POFUT2: variants seen among roughly 807,000 people sequenced by gnomAD.
POFUT2 encodes GDP-fucose protein O-fucosyltransferase 2.
POFUT2 carries 30 observed loss-of-function variants against 55.0 expected under a neutral mutation model. That is an observed-to-expected ratio of 0.55 (90% CI 0.41 to 0.74). The LOEUF (loss-of-function observed/expected upper bound fraction) is 0.74, where lower values mean the gene tolerates loss of function less well. Ranked by LOEUF, POFUT2 falls within the 30% of genes least tolerant of loss-of-function variation. The pLI is 0.00. For missense variants in POFUT2, 524 were observed against 562.6 expected (o/e 0.93, Z 0.69); for synonymous variants, 267 against 231.1 (o/e 1.16, Z -1.41).
In POFUT2 at chr21:45,285,838, C is replaced by T. The variant is rs1290184842; in HGVS notation, c.222G>A (p.Leu74=). Residue 74 remains leucine (L), a synonymous_variant, in exon 2 of 9, where the codon CTG becomes CTA. Transcript: ENST00000349485. The surrounding 1 kb of genome is among the most constrained non-coding windows in gnomAD (Gnocchi z 4.9). ...GGACAAGCACCCACTCCTCCGTCTT[C>T]AGCAGAGTCTTCAGGAGAGAGGCGA... ...IRIASLLKTL[L]KTEEWVLVLP... 4 of 1,613,388 alleles carry T rather than the reference C, an allele frequency of 2.5e-6. No homozygotes were observed. Among genetic ancestry groups the T allele is most frequent in the East Asian group, 2.2e-5 (1 of 44,898 alleles).
chr21:45,268,240 C>T (rs2093175986), intron 7 of POFUT2, among the ~76,000 whole-genome samples: 1 of 152,270 alleles, frequency 6.6e-6, no homozygotes, highest in African/African-American at 2.4e-5. Flanking sequence ...CAGCCTCGGC[C>T]TCCCGAGGTG....
rs929916298 is a variant in POFUT2, at chr21:45,281,654, G to A, written c.638+695C>T. On this transcript the variant is annotated intron_variant, in intron 4 of 8. Coordinates refer to ENST00000349485, the MANE Select transcript of POFUT2 (RefSeq NM_133635.6). This position sits in a 1 kb window ranked among gnomAD's most constrained non-coding sequence, Gnocchi z 5.0. ...CGACAGCAGACAAGGCAGCCTCAAC[G>A]TGGGCAAGTGCGAGGGGCACCCGTG... 2.0e-5 allele frequency among the ~76,000 whole-genome samples: 3 copies of A among 152,052 alleles called. No individual in the cohort carries two copies. Among genetic ancestry groups the A allele is most frequent in the East Asian group, 1.9e-4 (1 of 5,178 alleles).
At chr21:45,273,610 CACA>C (rs1316763664) in intron 6 of POFUT2, among the ~76,000 whole-genome samples, 1 of 152,098 alleles carries the variant, frequency 6.6e-6, no homozygotes, top group African/African-American at 2.4e-5. Flanking sequence ...AAAAAGATAA[CACA>C]ACATGATCAA....
intron 3 of POFUT2, 34 bp downstream of exon 3, chr21:45,283,320 GACGCATGCGGCAGGGGGAGGTGGGGGGGC>G (rs2030966218): frequency 1.0e-5 from 8 of 798,874 alleles, no homozygotes; most frequent in Admixed American, 5.9e-5. Flanking sequence ...GGGGGGGGGG[GACGCATGCGGCAGGGGGAGGTGGGGGGGC>G]ACCTGCGGCA....
rs992982230 is a variant in POFUT2 at position 45,264,380 on chromosome 21, C to T, written c.*1102G>A. On this transcript the variant is annotated 3_prime_UTR_variant, in exon 9 of 9. Transcript: ENST00000349485. Reference sequence around the variant, plus strand: ...ACGGGCCAAGAGGGTGAGGGGGGCTCCCTGACCCTGAGGACCCCTGAGGCA... The same window carrying T: ...ACGGGCCAAGAGGGTGAGGGGGGCTTCCTGACCCTGAGGACCCCTGAGGCA... 3.3e-5 allele frequency: 5 copies of T among 152,312 alleles called. No homozygotes were observed. Among genetic ancestry groups the T allele is most frequent in the Non-Finnish European group, 7.3e-5 (5 of 68,122 alleles). The allele number at this position is 152,312 out of a possible 1,614,324, so 9.4% of individuals were successfully genotyped here. A position where few individuals can be genotyped will look rare whatever the true frequency, so the allele number is the denominator to read the frequency against.
chr21:45,277,264 TCATCCACGGTCGCCTGAGAAGCAGCGC>T lies in POFUT2; in HGVS notation c.706-149_706-123del, dbSNP rs1569225439. 5 of 1,289,986 alleles carry T rather than the reference TCATCCACGGTCGCCTGAGAAGCAGCGC, an allele frequency of 3.9e-6. No individual in the cohort carries two copies. Among genetic ancestry groups the T allele is most frequent in the Non-Finnish European group, 5.3e-6 (5 of 948,902 alleles). The allele number at this position is 1,289,986 out of a possible 1,614,324, so 79.9% of individuals were successfully genotyped here. A position where few individuals can be genotyped will look rare whatever the true frequency, so the allele number is the denominator to read the frequency against. On this transcript the variant is annotated intron_variant, in intron 5 of 8. Transcript: ENST00000349485. The surrounding 1 kb of genome is among the most constrained non-coding windows in gnomAD (Gnocchi z 6.9). ...AGCTGGAACAAGCCCCTCAGACACG[TCATCCACGGTCGCCTGAGAAGCAGCGC>T]CATCCACGGTGGAGGCTCTTGGAGG... is the stretch of plus-strand genomic sequence containing the variant.
At position 45,267,034 on chromosome 21, in the gene POFUT2, C is replaced by A; in HGVS notation, c.1136+556G>T. ...CCGGCCTCTGGGACGCTCACGGCAG[C>A]CCCACGAGAATGATCACACGAGGGC... On this transcript the variant is annotated intron_variant, in intron 8 of 8. Transcript: ENST00000349485. This position sits in a 1 kb window ranked among gnomAD's most constrained non-coding sequence, Gnocchi z 4.4. 3 of 1,070,374 alleles carry A rather than the reference C, an allele frequency of 2.8e-6. No homozygotes were observed. Among genetic ancestry groups the A allele is most frequent in the South Asian group, 2.8e-5 (1 of 36,104 alleles). The allele number at this position is 1,070,374 out of a possible 1,614,324, so 66.3% of individuals were successfully genotyped here.
rs751462559 is a variant in POFUT2, at chr21:45,287,864, G to A, written c.8C>T (p.Thr3Ile). 6 of 1,387,760 alleles carry A rather than the reference G, an allele frequency of 4.3e-6. No homozygotes were observed. The highest frequency in any genetic ancestry group is 3.1e-5 in the Admixed American group (1 of 32,594). 86.0% of individuals were successfully genotyped at this position (1,387,760 alleles called of 1,614,324 possible). A position where few individuals can be genotyped will look rare whatever the true frequency, so the allele number is the denominator to read the frequency against. Residue 3 changes from threonine (T) to isoleucine (I), a missense_variant, in exon 1 of 9, where the codon ACA becomes ATA. Coordinates refer to ENST00000349485, the MANE Select transcript of POFUT2 (RefSeq NM_133635.6). ...CAGCAGCAGGAAGACGAAGCTGAGT[G>A]TCGCCATGGCCCCGGGCGGCCACGC... The part of the protein sequence containing the change: MA[T>I]LSFVFLLLGA...
intron 7 of POFUT2, among the ~76,000 whole-genome samples, chr21:45,268,473 C>T (rs1053791755): frequency 6.6e-5 from 10 of 151,622 alleles, no homozygotes; most frequent in African/African-American, 2.4e-4. Flanking sequence ...GCCCCTCTGC[C>T]TGGCTGCCCA....
At chr21:45,273,729 A>G (rs1352786321) in intron 6 of POFUT2, among the ~76,000 whole-genome samples, 1 of 152,258 alleles carries the variant, frequency 6.6e-6, no homozygotes, top group Non-Finnish European at 1.5e-5. Flanking sequence ...GATCATTTCA[A>G]TAGATGCAGA....
At position 45,265,876 on chromosome 21, in the gene POFUT2, A is replaced by G; in HGVS notation, c.1137-241T>C. On this transcript the variant is annotated intron_variant, in intron 8 of 8. Coordinates refer to ENST00000349485, the MANE Select transcript of POFUT2 (RefSeq NM_133635.6). The surrounding 1 kb of genome is among the most constrained non-coding windows in gnomAD (Gnocchi z 4.6). ...GGTGCTGCAGCCCCATCCACACCCCACAGTCAGCAGCCGCCACGCTCCTGT... is the reference window on the plus strand; with the variant it reads ...GGTGCTGCAGCCCCATCCACACCCCGCAGTCAGCAGCCGCCACGCTCCTGT... 1.5e-6 allele frequency: 2 copies of G among 1,357,818 alleles called. No homozygotes were observed. Among genetic ancestry groups the G allele is most frequent in the Non-Finnish European group, 1.9e-6 (2 of 1,049,960 alleles). 84.1% of individuals were successfully genotyped at this position (1,357,818 alleles called of 1,614,324 possible).
At chr21:45,279,841 G>T (rs1218645728) in intron 4 of POFUT2, among the ~76,000 whole-genome samples, 1 of 152,218 alleles carries the variant, frequency 6.6e-6, no homozygotes, top group Admixed American at 6.5e-5. Flanking sequence ...CAGGTGAATG[G>T]CTGGGTGGGA....
chr21:45,264,796 C>T lies in POFUT2; in HGVS notation c.*686G>A, dbSNP rs977317976. 1.3e-5 allele frequency: 2 copies of T among 152,444 alleles called. No individual in the cohort carries two copies. The highest frequency in any genetic ancestry group is 4.8e-5 in the African/African-American group (2 of 41,420). The allele number at this position is 152,444 out of a possible 1,614,324, so 9.4% of individuals were successfully genotyped here. A position where few individuals can be genotyped will look rare whatever the true frequency, so the allele number is the denominator to read the frequency against. On this transcript the variant is annotated 3_prime_UTR_variant, in exon 9 of 9. Coordinates refer to ENST00000349485, the MANE Select transcript of POFUT2 (RefSeq NM_133635.6). Reference sequence around the variant, plus strand: ...AGCTGCAAGTTTCCTACAGACAATCCACTGAGTGCCCCAGAGACGTCACTG... The same window carrying T: ...AGCTGCAAGTTTCCTACAGACAATCTACTGAGTGCCCCAGAGACGTCACTG...
At chr21:45,287,186 G>GCCCGGC (rs1362419416) in intron 1 of POFUT2, among the ~76,000 whole-genome samples, 5 of 33,204 alleles carry the variant, frequency 1.5e-4, no homozygotes, top group South Asian at 1.6e-3. Flanking sequence ...CCAGACTCCA[G>GCCCGGC]CCCGGCCCCG....
At position 45,267,533 on chromosome 21, in the gene POFUT2, A is replaced by G; in HGVS notation, c.1136+57T>C. ...CTCTGACACCGAGTACTTGGGACAGAAGAACCTTTGAAAGCCACCCGACCC... is the reference window on the plus strand; with the variant it reads ...CTCTGACACCGAGTACTTGGGACAGGAGAACCTTTGAAAGCCACCCGACCC... On this transcript the variant is annotated intron_variant, in intron 8 of 8. Transcript: ENST00000349485. The surrounding 1 kb of genome is among the most constrained non-coding windows in gnomAD (Gnocchi z 4.4). 6.2e-7 allele frequency: 1 copy of G among 1,614,174 alleles called. No individual in the cohort carries two copies. The highest frequency in any genetic ancestry group is 1.3e-5 in the African/African-American group (1 of 75,062).
In POFUT2 at chr21:45,287,823, G is replaced by A. The variant is rs1449975466; in HGVS notation, c.49C>T (p.Pro17Ser). 2.7e-6 allele frequency: 4 copies of A among 1,472,070 alleles called. No homozygotes were observed. Among genetic ancestry groups the A allele is most frequent in the Non-Finnish European group, 3.6e-6 (4 of 1,105,328 alleles). The allele number at this position is 1,472,070 out of a possible 1,614,324, so 91.2% of individuals were successfully genotyped here. ...VFLLLGAVSW[P>S]PASASGQEFW... ...TCCTGGCCGGAGGCAGAAGCCGGAG[G>A]CCAGGACACTGCCCCCAGCAGCAGG... The change falls in exon 1 of 9, where the codon CCT (proline) becomes TCT (serine). Residue 17 changes from proline (P) to serine (S), a missense_variant. By Grantham distance (74) the Pro-to-Ser change is moderately conservative (BLOSUM62 -1). Coordinates refer to ENST00000349485, the MANE Select transcript of POFUT2 (RefSeq NM_133635.6).
intron 7 of POFUT2, among the ~76,000 whole-genome samples, chr21:45,268,272 C>T (rs1413735883): frequency 2.0e-5 from 3 of 152,262 alleles, no homozygotes; most frequent in African/African-American, 2.4e-5. Flanking sequence ...GACGGAGTCT[C>T]GTTCACTCAG....
At position 45,269,926 on chromosome 21, in the gene POFUT2, G is replaced by A; in HGVS notation, c.925C>T (p.Leu309=). 2 of 1,609,932 alleles carry A rather than the reference G, an allele frequency of 1.2e-6. No individual in the cohort carries two copies. The highest frequency in any genetic ancestry group is 1.7e-6 in the Non-Finnish European group (2 of 1,178,774). The change falls in exon 7 of 9, where the codon CTG becomes TTG. Residue 309 remains leucine (L), a synonymous_variant. Coordinates refer to ENST00000349485, the MANE Select transcript of POFUT2 (RefSeq NM_133635.6). Reference sequence around the variant, plus strand: ...CGGATCTTCCTCACGGCCCCTTCCAGACTGGGTACATCCTGTCTGTGACCC... The same window carrying A: ...CGGATCTTCCTCACGGCCCCTTCCAAACTGGGTACATCCTGTCTGTGACCC... ...IWGHRQDVPS[L]EGAVRKIRSL... is the part of the protein sequence containing the mutation.
rs958664186 is a variant in POFUT2, at chr21:45,267,530, C to T, written c.1136+60G>A. 5.6e-6 allele frequency: 9 copies of T among 1,614,164 alleles called. No homozygotes were observed. The highest frequency in any genetic ancestry group is 7.6e-6 in the Non-Finnish European group (9 of 1,180,030). On this transcript the variant is annotated intron_variant, in intron 8 of 8. Transcript: ENST00000349485. This position sits in a 1 kb window ranked among gnomAD's most constrained non-coding sequence, Gnocchi z 4.4. ...CTGCTCTGACACCGAGTACTTGGGA[C>T]AGAAGAACCTTTGAAAGCCACCCGA...
Sources: gnomAD v4.1 joint callset for allele counts (sites outside exome capture counted in the v4.1 genomes callset) on GRCh38, gnomAD v4.1.1 for gene constraint, Gnocchi (gnomAD v3.1) non-coding constraint, MANE v1.5 for transcripts, NCBI Gene and HGNC (gene_info 2026-07-23, HGNC 2026-07-21) for gene names.